MMP26: variants seen among roughly 807,000 people sequenced by gnomAD.
MMP26 encodes matrix metalloproteinase-26.
Under a neutral mutation model 31.0 loss-of-function variants are expected in MMP26, and 33 were observed. The observed-to-expected ratio is 1.06, with a 90% confidence interval of 0.81 to 1.42. The LOEUF is 1.42. Among genes scored for constraint, MMP26 ranks in the 40% most tolerant of loss-of-function variants. The pLI is 0.00. For synonymous variants in MMP26, 122 were observed against 114.9 expected, an observed-to-expected ratio of 1.06 and a Z score of -0.40; for missense variants, 347 against 316.1, an observed-to-expected ratio of 1.10 and a Z score of -0.74.
chr11:4,973,848 T>TA (rs2133634114), intron 2 of MMP26: 1 of 152,162 alleles, frequency 6.6e-6, no homozygotes, highest in East Asian at 1.9e-4. Flanking sequence ...AAGTAGAAAA[T>TA]AGAGATTTCC....
At chr11:4,883,004 A>G (rs1005719230) in intron 2 of MMP26, 6 of 718,618 alleles carry the variant, frequency 8.3e-6, no homozygotes, top group East Asian at 8.1e-5. Flanking sequence ...TGGGAAGAAG[A>G]CAGTAATTTT....
At chr11:4,909,282 CAA>C (rs1257824173) in intron 2 of MMP26, 2 of 151,758 alleles carry the variant, frequency 1.3e-5, no homozygotes, top group Non-Finnish European at 2.9e-5. Context: ...ATGGAAAAAT[CAA>C]AAGAGTATAC....
intron 2 of MMP26, among the ~76,000 whole-genome samples, chr11:4,770,575 G>A (rs1848702758): frequency 6.6e-6 from 1 of 151,608 alleles, no homozygotes; most frequent in South Asian, 2.1e-4. Context: ...GGCTGGGCAG[G>A]TGGCTCATGC....
chr11:4,730,404 A>AAGAGACAGAGAGCGAGAGAG (rs141091963), intron 1 of MMP26, among the ~76,000 whole-genome samples: 1 of 144,952 alleles, frequency 6.9e-6, no homozygotes, highest in African/African-American at 2.6e-5. Context: ...GTTTCTGGGA[A>AAGAGACAGAGAGCGAGAGAG]AGAGAGAGAG....
At chr11:4,836,436 T>C (rs1410453682) in intron 2 of MMP26, among the ~76,000 whole-genome samples, 1 of 150,480 alleles carries the variant, frequency 6.6e-6, no homozygotes, top group African/African-American at 2.4e-5. Flanking sequence ...TACACAATAT[T>C]ATATATACAT....
rs187827466 is a variant in MMP26, at chr11:4,815,997, A to T, written c.-145+48656A>T. On this transcript the variant is annotated intron_variant, in intron 2 of 7. Transcript: ENST00000380390. ...ATTTGAGATCTTTCTACTCTTTTTG[A>T]TGTAGGCATTTATTGCTATAAACGT... is the stretch of plus-strand genomic sequence containing the variant. Among the ~76,000 whole-genome samples, 5 of 152,288 alleles carry T rather than the reference A, an allele frequency of 3.3e-5. No homozygotes were observed. The East Asian group carries it at 7.7e-4, about 24-fold the overall frequency.
At chr11:4,960,036 G>A (rs1055957686) in intron 2 of MMP26, among the ~76,000 whole-genome samples, 43 of 59,456 alleles carry the variant, frequency 7.2e-4, no homozygotes, top group African/African-American at 2.5e-3. Flanking sequence ...TTTCAGCCCC[G>A]CCCCCCCACC....
At chr11:4,885,969 A>G (rs949870951) in intron 2 of MMP26, among the ~76,000 whole-genome samples, 12 of 152,018 alleles carry the variant, frequency 7.9e-5, no homozygotes, top group African/African-American at 2.9e-4. Flanking sequence ...TCTGAACTCC[A>G]TGATAGTAGG....
At chr11:4,724,296 T>G (rs527560991) in intron 1 of MMP26, 7 of 345,032 alleles carry the variant, frequency 2.0e-5, no homozygotes, top group Non-Finnish European at 3.7e-5. Flanking sequence ...AAGCAGGATT[T>G]TCTCTATACT....
intron 2 of MMP26, chr11:4,907,540 G>C: frequency 6.2e-7 from 1 of 1,614,014 alleles, no homozygotes; most frequent in Non-Finnish European, 8.5e-7. Context: ...CGCTTCATGA[G>C]CCCATGTATT....
chr11:4,767,788 C>G (rs1301645595), intron 2 of MMP26, among the ~76,000 whole-genome samples: 1 of 152,158 alleles, frequency 6.6e-6, no homozygotes, highest in Non-Finnish European at 1.5e-5. Flanking sequence ...GTACCTGGTA[C>G]ATTTCTTCCA....
chr11:4,907,095 T>TAAAAAAAAAAAAAAAAAAAAAAA (rs3065178), intron 2 of MMP26, among the ~76,000 whole-genome samples: 9 of 55,124 alleles, frequency 1.6e-4, no homozygotes, highest in East Asian at 1.6e-3. Context: ...AAACTCCCTC[T>TAAAAAAAAAAAAAAAAAAAAAAA]AAAAAAAAAA....
At chr11:4,745,766 A>G (rs1430401382) in intron 1 of MMP26, among the ~76,000 whole-genome samples, 1 of 152,114 alleles carries the variant, frequency 6.6e-6, no homozygotes, top group Non-Finnish European at 1.5e-5. Context: ...CTATTCTCCT[A>G]TATCTCCCTC....
At chr11:4,795,610 T>C (rs1319056015) in intron 2 of MMP26, among the ~76,000 whole-genome samples, 2 of 152,322 alleles carry the variant, frequency 1.3e-5, no homozygotes, top group African/African-American at 4.8e-5. Flanking sequence ...AAAGGTTAAA[T>C]GTCCAAATGG....
rs149248458 is a variant in MMP26, at chr11:4,718,982, G to A, written c.-217+13937G>A. 6.9e-4 allele frequency: 127 copies of A among 183,344 alleles called. 2 individuals carry two copies. Among genetic ancestry groups the A allele is most frequent in the African/African-American group, 1.0e-3 (43 of 41,944 alleles). The allele number at this position is 183,344 out of a possible 1,614,324, so 11.4% of individuals were successfully genotyped here. On this transcript the variant is annotated intron_variant, in intron 1 of 7. Coordinates refer to ENST00000380390, the MANE Select transcript of MMP26 (RefSeq NM_021801.5). ...GTGCTGTTGGCCATGGCTTTTGATC[G>A]TTTTGTGGCCATTACTAATCCTCTT... is the stretch of plus-strand genomic sequence containing the variant.
chr11:4,831,468 A>G (rs1205823043), intron 2 of MMP26, among the ~76,000 whole-genome samples: 1 of 152,324 alleles, frequency 6.6e-6, no homozygotes. Context: ...TACAATGTGT[A>G]TAATTTTCAG....
rs762845476 is a variant in MMP26, at chr11:4,848,631, G to A, written c.-145+81290G>A. 2.4e-5 allele frequency: 39 copies of A among 1,611,562 alleles called. 1 individual carries two copies. The East Asian group carries it at 2.7e-4, about 11-fold the overall frequency. ...CCAAGCTTCTGGGCAGGCCAAACGA[G>A]CCACATCTGGATGCAAGCAATAAGA... On this transcript the variant is annotated intron_variant, in intron 2 of 7. Coordinates refer to ENST00000380390, the MANE Select transcript of MMP26 (RefSeq NM_021801.5).
intron 1 of MMP26, among the ~76,000 whole-genome samples, chr11:4,747,018 C>G (rs1848390724): frequency 6.6e-6 from 1 of 152,082 alleles, no homozygotes; most frequent in African/African-American, 2.4e-5. Context: ...TAGGGTGAAC[C>G]AGACTGCCAA....
At chr11:4,740,487 G>T (rs1458629862) in intron 1 of MMP26, among the ~76,000 whole-genome samples, 1 of 151,948 alleles carries the variant, frequency 6.6e-6, no homozygotes, top group Non-Finnish European at 1.5e-5. Context: ...TTTGAGACCA[G>T]CCTGGCCAAC....
Sources: gnomAD v4.1 joint callset for allele counts (sites outside exome capture counted in the v4.1 genomes callset) on GRCh38, gnomAD v4.1.1 for gene constraint, MANE v1.5 for transcripts, NCBI Gene and HGNC (gene_info 2026-07-23, HGNC 2026-07-21) for gene names.